Variants in PARN observed in about 807,000 individuals in gnomAD.
PARN encodes the protein poly(A)-specific ribonuclease.
PARN carries 71 observed loss-of-function variants against 102.8 expected under a neutral mutation model. The ratio of observed to expected loss-of-function variants is 0.69; its 90% CI spans 0.57 to 0.84. PARN has a LOEUF of 0.84. PARN is among the 40% of genes least tolerant of loss of function. The pLI is 0.00. For synonymous variants in PARN, 261 were observed against 252.9 expected (o/e 1.03, Z -0.30); for missense variants, 782 against 760.9 (o/e 1.03, Z -0.33).
chr16:14,478,472 A>G (rs1301768232), intron 22 of PARN, among the ~76,000 whole-genome samples: 1 of 152,216 alleles, frequency 6.6e-6, no homozygotes, highest in Non-Finnish European at 1.5e-5. Flanking sequence ...AATAATGTAT[A>G]TGAACAACCT....
At chr16:14,456,392 T>G (rs1337219588) in intron 22 of PARN, among the ~76,000 whole-genome samples, 1 of 152,052 alleles carries the variant, frequency 6.6e-6, no homozygotes, top group African/African-American at 2.4e-5. Flanking sequence ...CAGGCTGGTT[T>G]TGAACTTCTG....
intron 20 of PARN, among the ~76,000 whole-genome samples, chr16:14,553,129 A>T (rs1404603583): frequency 6.6e-6 from 1 of 151,088 alleles, no homozygotes; most frequent in African/African-American, 2.4e-5. Context: ...AAGATAAGAA[A>T]AAAATAGATC....
chr16:14,626,142 C>T (rs1972643885), intron 5 of PARN, among the ~76,000 whole-genome samples: 1 of 152,038 alleles, frequency 6.6e-6, no homozygotes, highest in African/African-American at 2.4e-5. Context: ...AATTAGTGAG[C>T]TTGAGAAAAG....
intron 11 of PARN, among the ~76,000 whole-genome samples, chr16:14,600,537 C>T (rs1970809229): frequency 6.6e-6 from 1 of 152,116 alleles, no homozygotes; most frequent in African/African-American, 2.4e-5. Flanking sequence ...GCCCCTTCTA[C>T]TTGTCTCATC....
intron 22 of PARN, among the ~76,000 whole-genome samples, chr16:14,450,726 C>G (rs1278557237): frequency 6.6e-6 from 1 of 152,056 alleles, no homozygotes; most frequent in Non-Finnish European, 1.5e-5. Context: ...GTGGATGATT[C>G]CAGGCTCAAG....
intron 18 of PARN, among the ~76,000 whole-genome samples, chr16:14,577,914 C>T (rs897978673): frequency 2.0e-5 from 3 of 150,832 alleles, no homozygotes; most frequent in Non-Finnish European, 4.4e-5. Context: ...GTGATCCGCC[C>T]GCCTCAGCCT....
chr16:14,623,272 T>C (rs916656056), intron 5 of PARN, among the ~76,000 whole-genome samples: 3 of 151,850 alleles, frequency 2.0e-5, no homozygotes, highest in African/African-American at 7.3e-5. Context: ...TCCCAGCACT[T>C]TGGGAGGCCG....
chr16:14,584,684 T>G, intron 15 of PARN, 65 bp downstream of exon 15: 1 of 1,132,254 alleles, frequency 8.8e-7, no homozygotes, highest in Non-Finnish European at 1.3e-6. Context: ...GAAGGCTATA[T>G]TGTTCTGGCA....
At chr16:14,593,450 C>A in intron 12 of PARN, 72 bp from the exon 13 acceptor site, 1 of 388,466 alleles carries the variant, frequency 2.6e-6, no homozygotes, top group Non-Finnish European at 4.8e-6. Context: ...ATGTATAGTT[C>A]AGATTCCAAG....
chr16:14,624,320 A>C (rs1972506756), intron 5 of PARN, among the ~76,000 whole-genome samples: 1 of 152,224 alleles, frequency 6.6e-6, no homozygotes, highest in Non-Finnish European at 1.5e-5. Flanking sequence ...CTTAAATGAG[A>C]GACCAAAGAA....
intron 5 of PARN, among the ~76,000 whole-genome samples, chr16:14,625,204 A>AAAACC (rs201324184): frequency 0.029 from 4,347 of 152,040 alleles, 89 homozygotes; most frequent in Non-Finnish European, 0.041. Flanking sequence ...TTACCAAAAA[A>AAAACC]AAAACAAAAC....
chr16:14,611,100 C>A (rs1242733297), intron 6 of PARN, among the ~76,000 whole-genome samples: 1 of 152,192 alleles, frequency 6.6e-6, no homozygotes, highest in Non-Finnish European at 1.5e-5. Context: ...GTGAAGGGAA[C>A]TACTTCTGAC....
At chr16:14,478,134 A>G (rs1216821002) in intron 22 of PARN, among the ~76,000 whole-genome samples, 4 of 152,004 alleles carry the variant, frequency 2.6e-5, no homozygotes, top group Non-Finnish European at 5.9e-5. Context: ...TGAGTAACAT[A>G]GTGAGACTCT....
intron 18 of PARN, among the ~76,000 whole-genome samples, chr16:14,570,974 G>C (rs922058174): frequency 6.6e-6 from 1 of 151,868 alleles, no homozygotes; most frequent in Admixed American, 6.6e-5. Flanking sequence ...GACAGAGCAA[G>C]ACCCTGTCTC....
At chr16:14,528,427 A>G (rs1966126203) in intron 21 of PARN, among the ~76,000 whole-genome samples, 2 of 152,210 alleles carry the variant, frequency 1.3e-5, no homozygotes, top group South Asian at 2.1e-4. Context: ...AAAGGTACAG[A>G]CAGGTGAAGA....
intron 21 of PARN, among the ~76,000 whole-genome samples, chr16:14,511,531 T>C (rs1244210765): frequency 6.6e-6 from 1 of 151,824 alleles, no homozygotes; most frequent in Non-Finnish European, 1.5e-5. Flanking sequence ...CAACAATACA[T>C]CACACATAAT....
intron 22 of PARN, among the ~76,000 whole-genome samples, chr16:14,475,353 C>T (rs1260183667): frequency 2.0e-5 from 3 of 152,178 alleles, no homozygotes; most frequent in East Asian, 3.9e-4. Context: ...TGAGATCTTA[C>T]ATGTTTCAGC....
At chr16:14,609,392 C>A (rs1279081636) in intron 7 of PARN, among the ~76,000 whole-genome samples, 1 of 152,128 alleles carries the variant, frequency 6.6e-6, no homozygotes, top group South Asian at 2.1e-4. Context: ...ATACTGAGAG[C>A]CCCTCACTAC....
At position 14,610,554 on chromosome 16, in the gene PARN, T is replaced by C. The variant is rs369753352; in HGVS notation, c.554+90A>G. 35 of 768,222 alleles carry C rather than the reference T, an allele frequency of 4.6e-5. No homozygotes were observed. The Middle Eastern group carries it at 1.2e-3, about 26-fold the overall frequency. 47.6% of individuals were successfully genotyped at this position (768,222 alleles called of 1,614,324 possible). The stretch of plus-strand genomic sequence containing the variant: ...CAACATCACACCCGTGTGTGTACTA[T>C]GTTTGTAAAGCACAGGTTTGAGATA... On this transcript the variant is annotated intron_variant, in intron 7 of 23. Coordinates refer to ENST00000437198, the MANE Select transcript of PARN (RefSeq NM_002582.4).
Sources: gnomAD v4.1 joint callset for allele counts (sites outside exome capture counted in the v4.1 genomes callset) on GRCh38, gnomAD v4.1.1 for gene constraint, MANE v1.5 for transcripts, NCBI Gene and HGNC (gene_info 2026-07-23, HGNC 2026-07-21) for gene names.